Variants in RFTN2 observed in about 807,000 individuals in gnomAD.
RFTN2 encodes the protein raftlin family member 2.
In RFTN2, 34 loss-of-function variants were observed where a neutral mutation model predicts 52.7. That is an observed-to-expected ratio of 0.64 (90% CI 0.49 to 0.86). The LOEUF is 0.86. RFTN2 is among the 40% of genes least tolerant of loss of function. The pLI, the probability that RFTN2 is intolerant of heterozygous loss-of-function variation, is 0.00. For synonymous variants in RFTN2, 203 were observed against 217.7 expected (o/e 0.93, Z 0.59); for missense variants, 536 against 600.1 (o/e 0.89, Z 1.12).
chr2:197,616,327 C>T (rs2088145143), intron 6 of RFTN2, among the ~76,000 whole-genome samples: 1 of 28,070 alleles, frequency 3.6e-5, no homozygotes. Context: ...GGTCTCATTC[C>T]TACATCCAGG....
intron 1 of RFTN2, among the ~76,000 whole-genome samples, chr2:197,653,829 A>C (rs926908238): frequency 3.3e-5 from 5 of 152,222 alleles, no homozygotes; most frequent in Non-Finnish European, 4.4e-5. Flanking sequence ...CCAACTGCTC[A>C]TTGAACTGGG....
At chr2:197,613,428 T>C (rs775196036) in intron 7 of RFTN2, among the ~76,000 whole-genome samples, 3 of 152,226 alleles carry the variant, frequency 2.0e-5, no homozygotes, top group Admixed American at 2.0e-4. Context: ...GATGAAGCTA[T>C]AATTAAAACA....
intron 7 of RFTN2, among the ~76,000 whole-genome samples, chr2:197,609,974 A>G (rs1452405919): frequency 6.6e-6 from 1 of 152,170 alleles, no homozygotes; most frequent in Non-Finnish European, 1.5e-5. Flanking sequence ...CCATTGGTCT[A>G]TATATCTGTT....
intron 3 of RFTN2, among the ~76,000 whole-genome samples, chr2:197,643,319 C>T (rs1418402136): frequency 6.6e-6 from 1 of 152,116 alleles, no homozygotes; most frequent in African/African-American, 2.4e-5. Flanking sequence ...CTTGGAACTC[C>T]TGGCCTCAAG....
At chr2:197,637,365 G>C (rs1490445708) in intron 3 of RFTN2, among the ~76,000 whole-genome samples, 2 of 152,102 alleles carry the variant, frequency 1.3e-5, no homozygotes, top group Admixed American at 1.3e-4. Flanking sequence ...GAATCCATCT[G>C]GTCCTGGACT....
intron 5 of RFTN2, among the ~76,000 whole-genome samples, chr2:197,624,885 G>T (rs890756197): frequency 8.6e-5 from 13 of 151,948 alleles, no homozygotes; most frequent in African/African-American, 3.1e-4. Context: ...GGAGGCGGAG[G>T]TTGCAGTGAG....
chr2:197,610,800 T>C (rs972378385), intron 7 of RFTN2, among the ~76,000 whole-genome samples: 1 of 152,196 alleles, frequency 6.6e-6, no homozygotes, highest in African/African-American at 2.4e-5. Context: ...AATACCTAGT[T>C]TATTGAGAGT....
intron 4 of RFTN2, among the ~76,000 whole-genome samples, chr2:197,631,539 TAC>T (rs2088469239): frequency 6.6e-6 from 1 of 152,212 alleles, no homozygotes; most frequent in Non-Finnish European, 1.5e-5. Flanking sequence ...TGTAACATTT[TAC>T]AGTTTGAAAA....
At chr2:197,602,059 T>A (rs771348631) in intron 7 of RFTN2, among the ~76,000 whole-genome samples, 2 of 152,052 alleles carry the variant, frequency 1.3e-5, no homozygotes, top group Non-Finnish European at 2.9e-5. Context: ...TGACACTATC[T>A]TTTTTTTATT....
rs191780542 is a variant in RFTN2, at chr2:197,615,643, C to G, written c.1154+233G>C. On this transcript the variant is annotated intron_variant, in intron 7 of 8. Transcript: ENST00000295049. ...GAACCCTACTGTGTCCTAAACCTGG[C>G]TGTGGGCTGGGGTGAGAACAGTTTT... is the stretch of plus-strand genomic sequence containing the variant. 3.1e-3 allele frequency among the ~76,000 whole-genome samples: 477 copies of G among 152,288 alleles called. 2 individuals carry two copies. Among genetic ancestry groups the G allele is most frequent in the Non-Finnish European group, 3.6e-3 (247 of 68,020 alleles).
chr2:197,573,754 T>C (rs1047661659), intron 8 of RFTN2, among the ~76,000 whole-genome samples: 1 of 152,244 alleles, frequency 6.6e-6, no homozygotes, highest in Admixed American at 6.5e-5. Context: ...AAAAATGTTT[T>C]TGTGGGCCGG....
chr2:197,659,252 A>C (rs1480235207), intron 1 of RFTN2, among the ~76,000 whole-genome samples: 1 of 152,010 alleles, frequency 6.6e-6, no homozygotes, highest in Non-Finnish European at 1.5e-5. Context: ...TGTAATCCCA[A>C]CACTTTGGGA....
At chr2:197,627,671 A>G (rs2088387942) in intron 5 of RFTN2, among the ~76,000 whole-genome samples, 1 of 152,194 alleles carries the variant, frequency 6.6e-6, no homozygotes, top group South Asian at 2.1e-4. Flanking sequence ...AGGTGGGGAA[A>G]GACTATGCTC....
chr2:197,675,212 C>T, intron 1 of RFTN2, 108 bp downstream of exon 1: 1 of 819,768 alleles, frequency 1.2e-6, no homozygotes, highest in Non-Finnish European at 1.8e-6. Flanking sequence ...TTTGAATATA[C>T]AATCTCATTA....
At chr2:197,635,393 C>T (rs1574728296) in intron 3 of RFTN2, among the ~76,000 whole-genome samples, 1 of 152,196 alleles carries the variant, frequency 6.6e-6, no homozygotes, top group Admixed American at 6.5e-5. Context: ...TCCTCTCCAG[C>T]ATCTGTTGTT....
intron 7 of RFTN2, among the ~76,000 whole-genome samples, chr2:197,605,924 CCCT>C (rs1210830412): frequency 6.6e-6 from 1 of 152,100 alleles, no homozygotes; most frequent in Non-Finnish European, 1.5e-5. Context: ...CACAGACCTG[CCCT>C]CCTCCTTTAT....
At chr2:197,658,793 G>A (rs984728015) in intron 1 of RFTN2, among the ~76,000 whole-genome samples, 2 of 152,140 alleles carry the variant, frequency 1.3e-5, no homozygotes, top group South Asian at 2.1e-4. Flanking sequence ...CTGTTAAATT[G>A]ATGCTACATT....
chr2:197,659,283 G>A (rs1487549797), intron 1 of RFTN2, among the ~76,000 whole-genome samples: 1 of 151,184 alleles, frequency 6.6e-6, no homozygotes, highest in South Asian at 2.1e-4. Context: ...GGTGGATCAG[G>A]TGGTCAGGAG....
intron 8 of RFTN2, among the ~76,000 whole-genome samples, chr2:197,590,893 A>T (rs552097136): frequency 6.6e-6 from 1 of 152,300 alleles, no homozygotes; most frequent in East Asian, 1.9e-4. Flanking sequence ...GAGCAGCAGC[A>T]CAATTTATTG....
Sources: allele counts gnomAD v4.1 joint callset (sites outside exome capture counted in the v4.1 genomes callset), GRCh38; gene constraint gnomAD v4.1.1; transcripts MANE v1.5; gene names NCBI Gene and HGNC (gene_info 2026-07-23, HGNC 2026-07-21).